The following BRD8 variants were observed in gnomAD, a reference collection of about 807,000 sequenced individuals.
BRD8 encodes the protein bromodomain-containing protein 8.
A neutral mutation model predicts 143.1 loss-of-function variants in BRD8; 67 were observed. The ratio of observed to expected loss-of-function variants is 0.47; its 90% CI spans 0.38 to 0.57. BRD8 has a LOEUF of 0.57. BRD8 is among the 20% of genes least tolerant of loss of function. BRD8 has a pLI of 0.00. For synonymous variants in BRD8, 505 were observed against 517.1 expected, an observed-to-expected ratio of 0.98 and a Z score of 0.32; for missense variants, 1,103 against 1,503.0, an observed-to-expected ratio of 0.73 and a Z score of 4.40.
intron 2 of BRD8, among the ~76,000 whole-genome samples, chr5:138,175,580 C>T (rs948316924): frequency 2.6e-5 from 4 of 151,174 alleles, no homozygotes; most frequent in Non-Finnish European, 5.9e-5. Flanking sequence ...TGGCAAGGGT[C>T]TGTATTCCCA....
intron 2 of BRD8, chr5:138,172,855 C>A (rs1274078034): frequency 3.1e-6 from 1 of 326,916 alleles, no homozygotes; most frequent in Non-Finnish European, 5.9e-6. Context: ...CCACCCCCTC[C>A]GCCATTCAAA....
intron 21 of BRD8, 52 bp downstream of exon 21, chr5:138,152,430 C>A: frequency 1.3e-6 from 2 of 1,596,302 alleles, no homozygotes; most frequent in South Asian, 1.1e-5. Context: ...GATAAGCATT[C>A]TCTTAGAAAG....
chr5:138,164,620 C>G (rs1753250529), intron 12 of BRD8, 94 bp downstream of exon 12: 3 of 1,412,744 alleles, frequency 2.1e-6, no homozygotes, highest in East Asian at 2.3e-5. Flanking sequence ...TGTCAGAACT[C>G]AGGAATGCAA....
chr5:138,168,472 G>A (rs1457671371), intron 8 of BRD8: 1 of 1,602,770 alleles, frequency 6.2e-7, no homozygotes. Context: ...CTCCATACCA[G>A]TCTGGGGCTA....
At chr5:138,147,060 T>C (rs1752183387) in intron 23 of BRD8, among the ~76,000 whole-genome samples, 1 of 150,256 alleles carries the variant, frequency 6.7e-6, no homozygotes, top group Admixed American at 6.6e-5. Context: ...CTATTGCTCA[T>C]ACTTAAGGAG....
chr5:138,148,971 T>A (rs1464268424), intron 23 of BRD8, among the ~76,000 whole-genome samples: 2 of 151,568 alleles, frequency 1.3e-5, no homozygotes, highest in African/African-American at 4.8e-5. Context: ...AAGCCTGAGG[T>A]GGGAGGATCC....
At position 138,178,596 on chromosome 5, in the gene BRD8, T is replaced by C. The variant is rs1468000400; in HGVS notation, c.19A>G (p.Lys7Glu). MATGTG[K>E]HKLLSTGPTE... ...ACGCAAAACCTGCTCAGATACTCAC[T>C]GCCCGTTCCCGTCGCCATCTTGGCC... is the stretch of plus-strand genomic sequence containing the variant. Residue 7 changes from lysine (K) to glutamate (E), a missense_variant and splice_region_variant, in exon 1 of 27, where the codon AAA (lysine) becomes GAA (glutamate). This residue lies in a region of BRD8 where 69 missense variants were observed against 121.6 expected (regional missense o/e 0.57). Transcript: ENST00000254900. 3 of 1,613,696 alleles carry C rather than the reference T, an allele frequency of 1.9e-6. No individual in the cohort carries two copies. The highest frequency in any genetic ancestry group is 1.1e-5 in the South Asian group (1 of 91,078).
chr5:138,156,886 G>GC, intron 20 of BRD8: 1 of 996,302 alleles, frequency 1.0e-6, no homozygotes, highest in Non-Finnish European at 1.2e-6. Context: ...CCAAAGGCTA[G>GC]TTTTTTTTTT....
At position 138,167,859 on chromosome 5, in the gene BRD8, G is replaced by A. The variant is rs750029165; in HGVS notation, c.787+75C>T. ...TAAATCTAGCACTGACAACTGCTTA[G>A]TAACAGTGAAACTGAGGTCAGTCAA... is the stretch of plus-strand genomic sequence containing the variant. On this transcript the variant is annotated intron_variant, in intron 9 of 26. Transcript: ENST00000254900. 7 of 1,347,682 alleles carry A rather than the reference G, an allele frequency of 5.2e-6. No individual in the cohort carries two copies. In the African/African-American group the frequency reaches 1.0e-4, roughly 19 times the overall value. 83.5% of individuals were successfully genotyped at this position (1,347,682 alleles called of 1,614,324 possible). A position where few individuals can be genotyped will look rare whatever the true frequency, so the allele number is the denominator to read the frequency against.
intron 15 of BRD8, among the ~76,000 whole-genome samples, 199 bp from the exon 16 acceptor site, chr5:138,162,345 C>T (rs1233937962): frequency 2.0e-5 from 3 of 152,074 alleles, no homozygotes; most frequent in African/African-American, 4.8e-5. Flanking sequence ...TAGGTGCATA[C>T]CACCATGCCC....
At chr5:138,165,775 G>T in intron 11 of BRD8, 53 bp downstream of exon 11, 58 of 1,302,354 alleles carry the variant, frequency 4.5e-5, no homozygotes, top group Non-Finnish European at 5.6e-5. Context: ...AGGCTGAAAA[G>T]AGAAGCCTAT....
intron 2 of BRD8, among the ~76,000 whole-genome samples, chr5:138,176,922 C>CA (rs1221355158): frequency 6.6e-6 from 1 of 150,552 alleles, no homozygotes; most frequent in African/African-American, 2.4e-5. Flanking sequence ...CCCATCTCTA[C>CA]AAAAAAATAA....
chr5:138,176,438 G>GT (rs1185502401), intron 2 of BRD8, among the ~76,000 whole-genome samples: 4 of 152,068 alleles, frequency 2.6e-5, no homozygotes, highest in African/African-American at 9.7e-5. Context: ...CAGGCCACTC[G>GT]TGGCGCATGG....
intron 21 of BRD8, among the ~76,000 whole-genome samples, chr5:138,151,871 T>C (rs1294316034): frequency 6.6e-6 from 1 of 151,740 alleles, no homozygotes; most frequent in African/African-American, 2.4e-5. Context: ...TTTATTTATT[T>C]AGAGACAGAG....
chr5:138,148,463 G>A (rs760350795), intron 23 of BRD8, among the ~76,000 whole-genome samples: 33 of 152,100 alleles, frequency 2.2e-4, no homozygotes, highest in Non-Finnish European at 3.7e-4. Context: ...CACCTCCCAA[G>A]TTCAAGCAGT....
At chr5:138,143,769 G>C (rs1487507672) in intron 25 of BRD8, among the ~76,000 whole-genome samples, 2 of 152,014 alleles carry the variant, frequency 1.3e-5, no homozygotes, top group African/African-American at 4.8e-5. Flanking sequence ...CTGTAAAAAC[G>C]CACCAAAAAA....
chr5:138,159,714 C>T (rs1752856212), intron 19 of BRD8, 115 bp from the exon 20 acceptor site: 5 of 990,850 alleles, frequency 5.0e-6, no homozygotes, highest in Non-Finnish European at 7.8e-6. Context: ...AATTTTAAAA[C>T]TCAAGAACAA....
Position 138,163,260 on chromosome 5 carries a change from C to G in BRD8, c.1957G>C (p.Gly653Arg). 1.2e-6 allele frequency: 2 copies of G among 1,614,128 alleles called. No homozygotes were observed. The highest frequency in any genetic ancestry group is 1.7e-6 in the Non-Finnish European group (2 of 1,180,022). The change falls in exon 15 of 27, where the codon GGC (glycine) becomes CGC (arginine). Residue 653 changes from glycine (G) to arginine (R), a missense_variant. By Grantham distance (125) the Gly-to-Arg change is moderately radical (BLOSUM62 -2). Around this residue, in one of 7 missense-constraint regions of BRD8, gnomAD observed 75 missense variants for 111.7 expected, o/e 0.67. Transcript: ENST00000254900. ...EEPKEEDQGE[G>R]YLSEMDNEPP... ...TCATTATCCATTTCTGACAAGTAGC[C>G]TTCTCCTTGATCCTCTTCCTTAGGC... is the stretch of plus-strand genomic sequence containing the variant.
intron 2 of BRD8, among the ~76,000 whole-genome samples, chr5:138,174,027 A>G (rs1331287102): frequency 6.6e-6 from 1 of 152,114 alleles, no homozygotes; most frequent in Non-Finnish European, 1.5e-5. Flanking sequence ...TAGATTCCAC[A>G]TATAACTGAG....
Sources: gnomAD v4.1 joint callset for allele counts (sites outside exome capture counted in the v4.1 genomes callset) on GRCh38, gnomAD v4.1.1 for gene constraint, gnomAD v4.1.1 regional missense constraint, MANE v1.5 for transcripts, NCBI Gene and HGNC (gene_info 2026-07-23, HGNC 2026-07-21) for gene names.